Variants in ATP10B observed in about 807,000 individuals in gnomAD.
ATP10B encodes phospholipid-transporting ATPase VB.
In ATP10B, 122 loss-of-function variants were observed where a neutral mutation model predicts 141.2. The ratio of observed to expected loss-of-function variants is 0.86; its 90% CI spans 0.75 to 1.00. ATP10B has a LOEUF of 1.00. Among genes scored for constraint, ATP10B ranks in the 50% least tolerant of loss-of-function variants. ATP10B has a pLI of 0.00. For missense variants in ATP10B, 1,876 were observed against 1,825.3 expected (o/e 1.03, Z -0.51); for synonymous variants, 685 against 692.0 (o/e 0.99, Z 0.16).
At chr5:160,834,432 G>A (rs1228720470) in intron 1 of ATP10B, among the ~76,000 whole-genome samples, 1 of 152,104 alleles carries the variant, frequency 6.6e-6, no homozygotes, top group East Asian at 1.9e-4. Context: ...ATGCTGTCTA[G>A]GGTGATGAAG....
chr5:160,750,133 T>G (rs1025398693), intron 2 of ATP10B, among the ~76,000 whole-genome samples: 2 of 152,242 alleles, frequency 1.3e-5, no homozygotes, highest in African/African-American at 4.8e-5. Flanking sequence ...GTGGTTGCTC[T>G]TACGTACCCC....
chr5:160,780,925 A>G (rs570657611), intron 2 of ATP10B, among the ~76,000 whole-genome samples: 9 of 152,280 alleles, frequency 5.9e-5, no homozygotes, highest in African/African-American at 2.2e-4. Flanking sequence ...CAAATGAAGG[A>G]ATGGAGGGGA....
At chr5:160,895,828 C>A in the ATP10B span, among the ~76,000 whole-genome samples, 1 of 152,056 alleles carries the variant, frequency 6.6e-6, no homozygotes, top group Non-Finnish European at 1.5e-5. Context: ...TGCAAAAGAA[C>A]GGAAATCATA....
chr5:160,585,367 G>A (rs1388907693), intron 24 of ATP10B, among the ~76,000 whole-genome samples: 1 of 152,166 alleles, frequency 6.6e-6, no homozygotes, highest in African/African-American at 2.4e-5. Flanking sequence ...CTTCTTGGGA[G>A]GCTGAGACGG....
intron 2 of ATP10B, among the ~76,000 whole-genome samples, chr5:160,740,712 G>A (rs533559867): frequency 3.3e-4 from 50 of 152,278 alleles, no homozygotes; most frequent in African/African-American, 1.2e-3. Flanking sequence ...TGGTACATTG[G>A]CACCACCTTT....
At chr5:160,874,008 A>C in the ATP10B span, among the ~76,000 whole-genome samples, 1 of 152,228 alleles carries the variant, frequency 6.6e-6, no homozygotes, top group Admixed American at 6.5e-5. Flanking sequence ...AGCAGCCCAG[A>C]AGTTCGAACT....
the ATP10B span, among the ~76,000 whole-genome samples, chr5:160,867,778 T>C: frequency 4.6e-5 from 7 of 152,184 alleles, no homozygotes; most frequent in Non-Finnish European, 7.4e-5. Context: ...GTTTTAACTG[T>C]GGATTTGGGA....
chr5:160,733,071 T>C (rs769835501), intron 2 of ATP10B, among the ~76,000 whole-genome samples: 15 of 152,226 alleles, frequency 9.9e-5, no homozygotes, highest in Non-Finnish European at 1.8e-4. Flanking sequence ...ACAATATTAC[T>C]TCTTTTGATC....
intron 1 of ATP10B, among the ~76,000 whole-genome samples, chr5:160,804,287 T>C (rs1321752419): frequency 1.3e-5 from 2 of 152,242 alleles, no homozygotes; most frequent in African/African-American, 4.8e-5. Flanking sequence ...GTCTCAATTG[T>C]ATACTCATAT....
Position 160,634,619 on chromosome 5 carries a change from G to T in ATP10B, c.1129-13C>A. ...TGGGGATCAGCACCTGAAAAGAGATGAGTTTCTACCATTCAGAAACCAGGC... is the reference window on the plus strand; with the variant it reads ...TGGGGATCAGCACCTGAAAAGAGATTAGTTTCTACCATTCAGAAACCAGGC... On this transcript the variant is annotated splice_polypyrimidine_tract_variant and intron_variant, in intron 11 of 25. Transcript: ENST00000327245. 1 of 1,593,510 alleles carries T rather than the reference G, an allele frequency of 6.3e-7. No homozygotes were observed. The highest frequency in any genetic ancestry group is 1.2e-5 in the South Asian group (1 of 86,836).
chr5:160,824,845 G>C (rs202171415), intron 1 of ATP10B, among the ~76,000 whole-genome samples: 10 of 152,134 alleles, frequency 6.6e-5, no homozygotes, highest in African/African-American at 1.7e-4. Context: ...GAAGGCACTA[G>C]CCTGGGTGTC....
intron 18 of ATP10B, among the ~76,000 whole-genome samples, chr5:160,608,814 G>A (rs1757549961): frequency 1.3e-5 from 2 of 152,198 alleles, no homozygotes; most frequent in East Asian, 3.9e-4. Flanking sequence ...TAAGTTCTTT[G>A]TAGATTCTGG....
chr5:160,832,976 A>C (rs1468424155), intron 1 of ATP10B, among the ~76,000 whole-genome samples: 1 of 152,146 alleles, frequency 6.6e-6, no homozygotes, highest in Non-Finnish European at 1.5e-5. Context: ...TTTTCATGGC[A>C]TGTGTGCCAA....
At chr5:160,735,571 T>A (rs894810820) in intron 2 of ATP10B, among the ~76,000 whole-genome samples, 1 of 152,092 alleles carries the variant, frequency 6.6e-6, no homozygotes, top group African/African-American at 2.4e-5. Flanking sequence ...ACTTCACTTT[T>A]AGCATTGGAC....
intron 17 of ATP10B, among the ~76,000 whole-genome samples, chr5:160,613,698 C>G (rs1201185703): frequency 1.3e-5 from 2 of 152,134 alleles, no homozygotes. Flanking sequence ...TTAATAGGGA[C>G]TCATATTTTT....
At chr5:160,608,279 A>G (rs532797994) in intron 18 of ATP10B, among the ~76,000 whole-genome samples, 41 of 152,292 alleles carry the variant, frequency 2.7e-4, no homozygotes, top group African/African-American at 8.9e-4. Flanking sequence ...TTATGGCTGC[A>G]TAGTATTCCA....
chr5:160,592,021 G>A (rs146179216), intron 22 of ATP10B, among the ~76,000 whole-genome samples: 3 of 152,236 alleles, frequency 2.0e-5, no homozygotes, highest in Non-Finnish European at 4.4e-5. Context: ...CCTCTTCCCA[G>A]AGCTCCCTCG....
At chr5:160,641,408 A>C (rs75361989) in intron 9 of ATP10B, among the ~76,000 whole-genome samples, 5,768 of 152,318 alleles carry the variant, frequency 0.038, 119 homozygotes, top group African/African-American at 0.065. Context: ...CTCCACTCCT[A>C]TGTTGAAGTT....
chr5:160,642,391 G>T (rs1040205148), intron 9 of ATP10B, among the ~76,000 whole-genome samples: 1 of 152,112 alleles, frequency 6.6e-6, no homozygotes, highest in African/African-American at 2.4e-5. Flanking sequence ...TTGGGCCTTT[G>T]ACTCTGAGGC....
Sources: allele counts gnomAD v4.1 joint callset (sites outside exome capture counted in the v4.1 genomes callset), GRCh38; gene constraint gnomAD v4.1.1; transcripts MANE v1.5; gene names NCBI Gene and HGNC (gene_info 2026-07-23, HGNC 2026-07-21).